CD59: variants seen among roughly 807,000 people sequenced by gnomAD.
CD59 encodes CD59 molecule (CD59 blood group), also known as CD59 glycoprotein.
Under a neutral mutation model 7.0 loss-of-function variants are expected in CD59, and 3 were observed. The observed-to-expected ratio is 0.43, with a 90% CI of 0.19 to 1.10. The LOEUF (loss-of-function observed/expected upper bound fraction) is 1.10. Ranked by LOEUF, CD59 falls within the 50% of genes least tolerant of loss-of-function variation. CD59 has a pLI of 0.29. For synonymous variants in CD59, 60 were observed against 62.0 expected (o/e 0.97, Z 0.15); for missense variants, 143 against 151.0 (o/e 0.95, Z 0.28).
At position 33,705,105 on chromosome 11, in the gene CD59, C is replaced by T. The variant is rs1442246413; in HGVS notation, c.*5021G>A. The T allele has an allele frequency of 6.6e-6, 1 of 152,136 alleles. No individual in the cohort carries two copies. Among genetic ancestry groups the T allele is most frequent in the Non-Finnish European group, 1.5e-5 (1 of 68,034 alleles). The allele number at this position is 152,136 out of a possible 1,614,324, so 9.4% of individuals were successfully genotyped here. ...TTAGTGGAATAGGGAGTACAGAGGC[C>T]TGGAAGATGAGGGAGCTGGGTTTAA... On this transcript the variant is annotated 3_prime_UTR_variant, in exon 4 of 4. Coordinates refer to ENST00000642928, the MANE Select transcript of CD59 (RefSeq NM_000611.6).
chr11:33,733,005 A>C (rs1483785445), intron 1 of CD59, among the ~76,000 whole-genome samples: 1 of 152,236 alleles, frequency 6.6e-6, no homozygotes, highest in Non-Finnish European at 1.5e-5. Context: ...AGAAATTTGA[A>C]GAATGAGATG....
intron 2 of CD59, chr11:33,718,915 T>C (rs945315434): frequency 5.9e-5 from 9 of 152,358 alleles, no homozygotes; most frequent in African/African-American, 1.7e-4. Flanking sequence ...TTTGTATGGA[T>C]ACCCCCTTTT....
intron 3 of CD59, among the ~76,000 whole-genome samples, chr11:33,713,829 A>G (rs769502805): frequency 3.9e-5 from 6 of 152,234 alleles, no homozygotes; most frequent in Admixed American, 3.9e-4. Context: ...TAATCTCACC[A>G]AAGCCAGCCT....
At chr11:33,731,444 C>T (rs1432790062) in intron 1 of CD59, 1 of 152,152 alleles carries the variant, frequency 6.6e-6, no homozygotes, top group Non-Finnish European at 1.5e-5. Context: ...TAGGTCTCAA[C>T]TCCTACACCA....
chr11:33,722,346 C>G, intron 2 of CD59, 33 bp downstream of exon 2: 1 of 1,505,932 alleles, frequency 6.6e-7, no homozygotes, highest in Admixed American at 1.7e-5. Flanking sequence ...GCCAAGGCAG[C>G]CTAGATCCAT....
intron 3 of CD59, among the ~76,000 whole-genome samples, chr11:33,710,894 G>GA (rs1338435685): frequency 6.6e-6 from 1 of 151,004 alleles, no homozygotes; most frequent in Non-Finnish European, 1.5e-5. Context: ...AGAATGGTCA[G>GA]AAAAAAACCT....
In CD59 at chr11:33,704,785, C is replaced by T. The variant is rs1344048914; in HGVS notation, c.*5341G>A. On this transcript the variant is annotated 3_prime_UTR_variant, in exon 4 of 4. Transcript: ENST00000642928. ...CTAGCCTTCAGGGCAAGGCTGCACA[C>T]ACGGCCTCTAGTCTCCTACCCCTCT... The T allele has an allele frequency of 6.6e-6, 1 of 152,582 alleles. No individual in the cohort carries two copies. Among genetic ancestry groups the T allele is most frequent in the Non-Finnish European group, 1.5e-5 (1 of 68,036 alleles). 9.5% of individuals were successfully genotyped at this position (152,582 alleles called of 1,614,324 possible). A position where few individuals can be genotyped will look rare whatever the true frequency, so the allele number is the denominator to read the frequency against.
chr11:33,706,807 CTTTGT>C lies in CD59; in HGVS notation c.*3314_*3318del, dbSNP rs1197444536. On this transcript the variant is annotated 3_prime_UTR_variant, in exon 4 of 4. Coordinates refer to ENST00000642928, the MANE Select transcript of CD59 (RefSeq NM_000611.6). ...AACTTTCCAGTAAAAAACAATTGCA[CTTTGT>C]TTTCTTTTCCAAAAAGAGGCAGAAA... 1 of 152,206 alleles carries C rather than the reference CTTTGT, an allele frequency of 6.6e-6. No homozygotes were observed. The highest frequency in any genetic ancestry group is 1.9e-4 in the East Asian group (1 of 5,204). 9.4% of individuals were successfully genotyped at this position (152,206 alleles called of 1,614,324 possible). A position where few individuals can be genotyped will look rare whatever the true frequency, so the allele number is the denominator to read the frequency against.
At chr11:33,725,984 T>A (rs185193079) in intron 1 of CD59, among the ~76,000 whole-genome samples, 2 of 152,250 alleles carry the variant, frequency 1.3e-5, no homozygotes, top group East Asian at 3.9e-4. Flanking sequence ...GAGCTAACTA[T>A]CCTAAATATA....
intron 1 of CD59, among the ~76,000 whole-genome samples, chr11:33,728,891 T>C (rs944146386): frequency 6.6e-6 from 1 of 152,228 alleles, no homozygotes; most frequent in Non-Finnish European, 1.5e-5. Context: ...AAGACATTTA[T>C]GCAGCCAACA....
At position 33,706,848 on chromosome 11, in the gene CD59, C is replaced by CAA. The variant is rs1282126309; in HGVS notation, c.*3276_*3277dup. ...AAAAAGAGGCAGAAACTGATTTCTT[C>CAA]AAAGTAAAAAGGCACCAGGGACCCA... On this transcript the variant is annotated 3_prime_UTR_variant, in exon 4 of 4. Coordinates refer to ENST00000642928, the MANE Select transcript of CD59 (RefSeq NM_000611.6). The CAA allele has an allele frequency of 6.6e-6, 1 of 152,156 alleles. No homozygotes were observed. The highest frequency in any genetic ancestry group is 2.4e-5 in the African/African-American group (1 of 41,430). 9.4% of individuals were successfully genotyped at this position (152,156 alleles called of 1,614,324 possible). A position where few individuals can be genotyped will look rare whatever the true frequency, so the allele number is the denominator to read the frequency against.
intron 1 of CD59, among the ~76,000 whole-genome samples, chr11:33,734,623 G>A (rs75987333): frequency 7.2e-4 from 109 of 152,276 alleles, no homozygotes; most frequent in African/African-American, 2.6e-3. Context: ...AGTTTGTTCC[G>A]GAATGCCAAT....
intron 1 of CD59, among the ~76,000 whole-genome samples, chr11:33,729,917 G>T (rs1854365624): frequency 6.6e-6 from 1 of 152,030 alleles, no homozygotes; most frequent in Non-Finnish European, 1.5e-5. Flanking sequence ...ACACAGGTTT[G>T]AACTGCAGGG....
chr11:33,703,885 T>A lies in CD59; in HGVS notation c.*6241A>T, dbSNP rs956887912. The A allele has an allele frequency of 6.6e-6, 1 of 152,264 alleles. No homozygotes were observed. Among genetic ancestry groups the A allele is most frequent in the African/African-American group, 2.4e-5 (1 of 41,444 alleles). The allele number at this position is 152,264 out of a possible 1,614,324, so 9.4% of individuals were successfully genotyped here. Reference sequence around the variant, plus strand: ...TCTCTATTTAACCGAGGCTGACTCATTGCAGTTGGCACTAATTTTCCATTG... The same window carrying A: ...TCTCTATTTAACCGAGGCTGACTCAATGCAGTTGGCACTAATTTTCCATTG... On this transcript the variant is annotated 3_prime_UTR_variant, in exon 4 of 4. Transcript: ENST00000642928.
chr11:33,724,432 GCT>G (rs1854189675), intron 1 of CD59, among the ~76,000 whole-genome samples: 1 of 152,214 alleles, frequency 6.6e-6, no homozygotes, highest in African/African-American at 2.4e-5. Context: ...GATAGTTCTG[GCT>G]CTGTCACCTC....
intron 1 of CD59, among the ~76,000 whole-genome samples, chr11:33,735,025 TAC>T (rs1212500034): frequency 2.0e-5 from 3 of 152,210 alleles, no homozygotes; most frequent in Admixed American, 2.0e-4. Context: ...ACTGTGAAAA[TAC>T]AGAGGCCACA....
At chr11:33,720,815 T>C (rs988269429) in intron 2 of CD59, among the ~76,000 whole-genome samples, 6 of 151,020 alleles carry the variant, frequency 4.0e-5, no homozygotes, top group African/African-American at 1.5e-4. Flanking sequence ...GTAGACGAGG[T>C]TTCCCCTGGG....
At chr11:33,736,427 C>T (rs1564981543), upstream of CD59, 2 of 152,660 alleles carry the variant, frequency 1.3e-5, no homozygotes, top group Admixed American at 6.5e-5. The surrounding 1 kb of genome is among the most constrained non-coding windows in gnomAD (Gnocchi z 4.4). Context: ...CGCTTCTGCG[C>T]TCAGCCCCCG....
chr11:33,734,816 G>A (rs1366362071), intron 1 of CD59, among the ~76,000 whole-genome samples: 5 of 152,304 alleles, frequency 3.3e-5, no homozygotes, highest in East Asian at 1.9e-4. Context: ...GTTTGGCTGA[G>A]GTTCTTAAAG....
Sources: gnomAD v4.1 joint callset for allele counts (sites outside exome capture counted in the v4.1 genomes callset) on GRCh38, gnomAD v4.1.1 for gene constraint, Gnocchi (gnomAD v3.1) non-coding constraint, MANE v1.5 for transcripts, NCBI Gene and HGNC (gene_info 2026-07-23, HGNC 2026-07-21) for gene names.